GCM2: variants seen among roughly 807,000 people sequenced by gnomAD.
GCM2 encodes the protein GCM transcription factor 2.
GCM2 carries 21 observed loss-of-function variants against 24.8 expected under a neutral mutation model. That is an observed-to-expected ratio of 0.85 (90% CI 0.60 to 1.22). The LOEUF is 1.22. Ranked by LOEUF, GCM2 falls within the 50% of genes most tolerant of loss-of-function variation. The pLI is 0.00. For missense variants in GCM2, 532 were observed against 645.6 expected (o/e 0.82, Z 1.91); for synonymous variants, 222 against 238.0 (o/e 0.93, Z 0.62).
chr6:10,881,040 GGCGTCCC>G (rs561380756), intron 1 of GCM2, among the ~76,000 whole-genome samples: 98 of 152,346 alleles, frequency 6.4e-4, no homozygotes, highest in African/African-American at 2.2e-3. Context: ...TGAAAGGACA[GGCGTCCC>G]GCTCTCCCCA....
Position 10,876,540 on chromosome 6 carries a change from A to G in GCM2, c.361T>C (p.Cys121Arg), listed in dbSNP as rs779456082. 1 of 1,611,950 alleles carries G rather than the reference A, an allele frequency of 6.2e-7. No individual in the cohort carries two copies. Among genetic ancestry groups the G allele is most frequent in the Non-Finnish European group, 8.5e-7 (1 of 1,177,954 alleles). Residue 121 changes from cysteine to arginine, a missense_variant, in exon 3 of 5, where the codon TGT (cysteine) becomes CGT (arginine). Cys to Arg is a radical substitution (Grantham distance 180). Transcript: ENST00000379491. ...GGAATCAACTCCAAAGCAGAATGAC[A>G]GTTAGGGCATGCCTTCTCTGCAAAG... ...LKQQKKACPN[C>R]HSALELIPCR...
rs1341707332 is a variant in GCM2 at position 10,874,059 on chromosome 6, C to T, written c.1457G>A (p.Gly486Asp). ...TCTGTCTGAGTAACTGACTGCGGAG[C>T]CCAGCCCAGACAGACACACATCCCA... ...ETWDVCLSGL[G>D]SAVSYSDRVG... The change falls in exon 5 of 5, where the codon GGC (glycine) becomes GAC (aspartate). Residue 486 changes from glycine (G) to aspartate (D), a missense_variant. By Grantham distance (94) the Gly-to-Asp change is moderately conservative (BLOSUM62 -1). Coordinates refer to ENST00000379491, the MANE Select transcript of GCM2 (RefSeq NM_004752.4). The T allele has an allele frequency of 6.2e-7, 1 of 1,614,190 alleles. No individual in the cohort carries two copies. Among genetic ancestry groups the T allele is most frequent in the East Asian group, 2.2e-5 (1 of 44,884 alleles).
chr6:10,877,200 C>A lies in GCM2; in HGVS notation c.283G>T (p.Asp95Tyr), dbSNP rs374388110. The A allele has an allele frequency of 6.2e-6, 10 of 1,614,042 alleles. No individual in the cohort carries two copies. The South Asian group carries it at 1.1e-4, about 18-fold the overall frequency. Residue 95 changes from aspartate (D) to tyrosine (Y), a missense_variant, in exon 2 of 5, where the codon GAC becomes TAC. Physicochemically the swap from Asp to Tyr is radical, Grantham distance 160. This residue lies in a region of GCM2 where 434 missense variants were observed against 521.9 expected (regional missense o/e 0.83). Coordinates refer to ENST00000379491, the MANE Select transcript of GCM2 (RefSeq NM_004752.4). The stretch of plus-strand genomic sequence containing the variant: ...GGCCTCAGCTGCAGGCGGGAACCGT[C>A]GGGCAGGGTGCAGGCCTGTGTACAC... ...VVCTQACTLP[D>Y]GSRLQLRPAI... is the part of the protein sequence containing the mutation.
chr6:10,873,942 T>C lies in GCM2; in HGVS notation c.*53A>G. 7.3e-7 allele frequency: 1 copy of C among 1,363,364 alleles called. No homozygotes were observed. The highest frequency in any genetic ancestry group is 1.7e-5 in the Admixed American group (1 of 59,164). 84.5% of individuals were successfully genotyped at this position (1,363,364 alleles called of 1,614,324 possible). On this transcript the variant is annotated 3_prime_UTR_variant, in exon 5 of 5. Transcript: ENST00000379491. Reference sequence around the variant, plus strand: ...ATAAGAGATCATTGCCATTTCACATTTCCCTGCCTCCTGCCTGCATGCACA... The same window carrying C: ...ATAAGAGATCATTGCCATTTCACATCTCCCTGCCTCCTGCCTGCATGCACA...
chr6:10,874,248 A>T lies in GCM2; in HGVS notation c.1268T>A (p.Met423Lys). Residue 423 changes from methionine to lysine, a missense_variant, in exon 5 of 5, where the codon ATG becomes AAG. Coordinates refer to ENST00000379491, the MANE Select transcript of GCM2 (RefSeq NM_004752.4). ...SCNYAPEDTG[M>K]SVYPEPWGPP... ...ACCCCAGGGTTCTGGATAGACAGACATCCCAGTATCTTCAGGAGCATAGTT... is the reference window on the plus strand; with the variant it reads ...ACCCCAGGGTTCTGGATAGACAGACTTCCCAGTATCTTCAGGAGCATAGTT... 3.7e-6 allele frequency: 6 copies of T among 1,614,208 alleles called. No individual in the cohort carries two copies. Among genetic ancestry groups the T allele is most frequent in the Non-Finnish European group, 5.1e-6 (6 of 1,180,032 alleles).
intron 1 of GCM2, 112 bp downstream of exon 1, chr6:10,881,592 G>T (rs1215542140): frequency 1.6e-6 from 1 of 619,930 alleles, no homozygotes; most frequent in Non-Finnish European, 2.9e-6. Context: ...GTGTGTGTGT[G>T]TGTGTGTGTG....
Position 10,881,857 on chromosome 6 carries a change from C to G in GCM2, c.-64G>C. The G allele has an allele frequency of 6.7e-6, 9 of 1,341,582 alleles. No individual in the cohort carries two copies. In the South Asian group the frequency reaches 7.1e-5, roughly 11 times the overall value. The allele number at this position is 1,341,582 out of a possible 1,614,324, so 83.1% of individuals were successfully genotyped here. A position where few individuals can be genotyped will look rare whatever the true frequency, so the allele number is the denominator to read the frequency against. ...AAAATAGAAGAAAAAAGGACAGGTGCGCCAGGTGGGTTTTTTTTCTTCTCT... is the reference window on the plus strand; with the variant it reads ...AAAATAGAAGAAAAAAGGACAGGTGGGCCAGGTGGGTTTTTTTTCTTCTCT... On this transcript the variant is annotated 5_prime_UTR_variant, in exon 1 of 5. Coordinates refer to ENST00000379491, the MANE Select transcript of GCM2 (RefSeq NM_004752.4).
intron 1 of GCM2, among the ~76,000 whole-genome samples, chr6:10,881,468 A>G (rs1044967053): frequency 5.3e-5 from 8 of 151,816 alleles, no homozygotes; most frequent in African/African-American, 1.5e-4. Context: ...AAGAAGACAC[A>G]TTTCTAAACC....
Position 10,881,884 on chromosome 6 carries a change from TA to T in GCM2, c.-92del. 6.9e-6 allele frequency: 7 copies of T among 1,009,944 alleles called. No homozygotes were observed. The highest frequency in any genetic ancestry group is 9.1e-6 in the Non-Finnish European group (6 of 659,992). The allele number at this position is 1,009,944 out of a possible 1,614,324, so 62.6% of individuals were successfully genotyped here. ...CCAGGTGGGTTTTTTTTCTTCTCTT[TA>T]AAGAAGAAAGTGGGGTGTGTGAAGG... On this transcript the variant is annotated 5_prime_UTR_variant, in exon 1 of 5. Coordinates refer to ENST00000379491, the MANE Select transcript of GCM2 (RefSeq NM_004752.4).
intron 3 of GCM2, among the ~76,000 whole-genome samples, chr6:10,876,225 G>T (rs899290909): frequency 2.0e-5 from 3 of 152,152 alleles, no homozygotes; most frequent in African/African-American, 4.8e-5. Context: ...TCTATTAAAA[G>T]AACTATAACT....
chr6:10,874,660 T>A lies in GCM2; in HGVS notation c.856A>T (p.Ser286Cys), dbSNP rs1779851791. The A allele has an allele frequency of 1.9e-6, 3 of 1,614,214 alleles. No individual in the cohort carries two copies. In the East Asian group the frequency reaches 6.7e-5, roughly 36 times the overall value. Residue 286 changes from serine to cysteine, a missense_variant, in exon 5 of 5, where the codon AGC becomes TGC. By Grantham distance (112) the Ser-to-Cys change is moderately radical. Transcript: ENST00000379491. ...ELANPGYTNS[S>C]PYPTLYKDST... ...TCCTTATAAAGGGTGGGATATGGGC[T>A]TGAATTTGTATAACCAGGGTTTGCC...
Position 10,874,089 on chromosome 6 carries a change from T to C in GCM2, c.1427A>G (p.Glu476Gly). The C allele has an allele frequency of 1.2e-6, 2 of 1,614,204 alleles. No homozygotes were observed. Among genetic ancestry groups the C allele is most frequent in the Non-Finnish European group, 1.7e-6 (2 of 1,180,046 alleles). The part of the protein sequence containing the change: ...EPVSSRTDEA[E>G]TWDVCLSGLG... ...CCCAGACAGACACACATCCCAAGTC[T>C]CTGCTTCATCTGTCCTAGAGGAAAC... Residue 476 changes from glutamate (E) to glycine (G), a missense_variant, in exon 5 of 5, where the codon GAG becomes GGG. This residue lies in a region of GCM2 where 434 missense variants were observed against 521.9 expected (regional missense o/e 0.83). Coordinates refer to ENST00000379491, the MANE Select transcript of GCM2 (RefSeq NM_004752.4).
rs1779835249 is a variant in GCM2, at chr6:10,873,718, A to C, written c.*277T>G. ...GCTAAGTGAACTTAGGTCAGTATTT[A>C]ACCTCCTACAGTTTGCTTATTTGTT... is the stretch of plus-strand genomic sequence containing the variant. On this transcript the variant is annotated 3_prime_UTR_variant, in exon 5 of 5. Coordinates refer to ENST00000379491, the MANE Select transcript of GCM2 (RefSeq NM_004752.4). 2.1e-6 allele frequency: 1 copy of C among 469,548 alleles called. No individual in the cohort carries two copies. The highest frequency in any genetic ancestry group is 2.1e-5 in the South Asian group (1 of 47,526). The allele number at this position is 469,548 out of a possible 1,614,324, so 29.1% of individuals were successfully genotyped here.
chr6:10,878,177 T>A (rs1024711096), intron 1 of GCM2, among the ~76,000 whole-genome samples: 3 of 152,210 alleles, frequency 2.0e-5, no homozygotes, highest in African/African-American at 7.2e-5. Context: ...ATGGCTGCAA[T>A]AATAAGTTGT....
At chr6:10,875,530 T>C (rs556471936) in intron 4 of GCM2, among the ~76,000 whole-genome samples, 1 of 152,320 alleles carries the variant, frequency 6.6e-6, no homozygotes, top group South Asian at 2.1e-4. Context: ...TATCCATTCT[T>C]GTGGATGAAA....
intron 4 of GCM2, 152 bp from the exon 5 acceptor site, chr6:10,875,085 C>T: frequency 2.9e-6 from 2 of 690,116 alleles, no homozygotes; most frequent in East Asian, 2.7e-5. Context: ...GATGTAAGCA[C>T]GTGGTCCAGG....
intron 1 of GCM2, among the ~76,000 whole-genome samples, chr6:10,878,011 G>C (rs1446715570): frequency 2.0e-5 from 3 of 152,164 alleles, no homozygotes; most frequent in African/African-American, 7.2e-5. Flanking sequence ...GGAAAGAACA[G>C]CTTCCCTCCC....
intron 4 of GCM2, 30 bp from the exon 5 acceptor site, chr6:10,874,963 G>T (rs779083007): frequency 1.4e-6 from 2 of 1,465,928 alleles, no homozygotes; most frequent in Non-Finnish European, 1.9e-6. Context: ...ATAGACACAC[G>T]CTATGTAAAT....
At position 10,874,849 on chromosome 6, in the gene GCM2, T is replaced by C; in HGVS notation, c.667A>G (p.Thr223Ala). Reference sequence around the variant, plus strand: ...GGCTGCCCTGGAATAGGGAAGCTGGTTTCAGTAACTATATCAAAGTCTTCT... The same window carrying C: ...GGCTGCCCTGGAATAGGGAAGCTGGCTTCAGTAACTATATCAAAGTCTTCT... ...NPEDFDIVTE[T>A]SFPIPGQPCP... The change falls in exon 5 of 5, where the codon ACC (threonine) becomes GCC (alanine). Residue 223 changes from threonine to alanine, a missense_variant. Around this residue, in one of 3 missense-constraint regions of GCM2, gnomAD observed 434 missense variants for 521.9 expected, o/e 0.83. Transcript: ENST00000379491. The C allele has an allele frequency of 1.2e-6, 2 of 1,613,876 alleles. No individual in the cohort carries two copies. The highest frequency in any genetic ancestry group is 1.7e-6 in the Non-Finnish European group (2 of 1,179,822).
Sources: allele counts gnomAD v4.1 joint callset (sites outside exome capture counted in the v4.1 genomes callset), GRCh38; gene constraint gnomAD v4.1.1; regional missense constraint gnomAD v4.1.1; transcripts MANE v1.5; gene names NCBI Gene and HGNC (gene_info 2026-07-23, HGNC 2026-07-21).